Variants in PHAF1 observed in about 807,000 individuals in gnomAD.
The protein encoded by PHAF1 is phagosome assembly factor 1.
A neutral mutation model predicts 63.1 loss-of-function variants in PHAF1; 23 were observed. That is an observed-to-expected ratio of 0.36 (90% CI 0.26 to 0.52). The LOEUF (loss-of-function observed/expected upper bound fraction) is 0.52. Among genes scored for constraint, PHAF1 ranks in the 20% least tolerant of loss-of-function variants. PHAF1 has a pLI of 0.93. For missense variants in PHAF1, 427 were observed against 517.2 expected, an observed-to-expected ratio of 0.83 and a Z score of 1.69; for synonymous variants, 167 against 185.0, an observed-to-expected ratio of 0.90 and a Z score of 0.79.
At chr16:67,128,110 A>G (rs953689352) in intron 3 of PHAF1, among the ~76,000 whole-genome samples, 3 of 152,072 alleles carry the variant, frequency 2.0e-5, no homozygotes, top group Middle Eastern at 3.4e-3. Flanking sequence ...CCTGTGAAGT[A>G]GGTACTGTTT....
intron 9 of PHAF1, 103 bp from the exon 10 acceptor site, chr16:67,140,408 C>T (rs941730365): frequency 2.2e-5 from 24 of 1,075,214 alleles, no homozygotes; most frequent in Middle Eastern, 4.2e-4. Context: ...TTGCTTGTTC[C>T]GCAGCTTAAT....
chr16:67,134,541 T>G, intron 8 of PHAF1, 74 bp downstream of exon 8: 1 of 1,245,790 alleles, frequency 8.0e-7, no homozygotes, highest in Non-Finnish European at 1.2e-6. Context: ...CCCACGTGCT[T>G]AGGGTGTGTC....
At chr16:67,118,896 A>G (rs1047985906) in intron 1 of PHAF1, among the ~76,000 whole-genome samples, 2 of 146,374 alleles carry the variant, frequency 1.4e-5, no homozygotes, top group Non-Finnish European at 3.0e-5. Context: ...CACCTTAGCC[A>G]CCCCAGGACC....
chr16:67,126,282 G>A (rs1191710626), intron 3 of PHAF1, among the ~76,000 whole-genome samples: 1 of 152,134 alleles, frequency 6.6e-6, no homozygotes, highest in African/African-American at 2.4e-5. Flanking sequence ...AGGCTCCAGA[G>A]GGGAAGGTGA....
chr16:67,123,741 C>T (rs1963077819), intron 2 of PHAF1, among the ~76,000 whole-genome samples: 1 of 152,156 alleles, frequency 6.6e-6, no homozygotes, highest in Non-Finnish European at 1.5e-5. Context: ...TCTTCTTCTG[C>T]CTACTTTATT....
chr16:67,144,333 T>G lies in PHAF1; in HGVS notation c.919T>G (p.Phe307Val). The G allele has an allele frequency of 6.2e-7, 1 of 1,612,450 alleles. No homozygotes were observed. Among genetic ancestry groups the G allele is most frequent in the Non-Finnish European group, 8.5e-7 (1 of 1,178,472 alleles). The change falls in exon 11 of 16, where the codon TTT (phenylalanine) becomes GTT (valine). Residue 307 changes from phenylalanine to valine, a missense_variant. Phe to Val is a conservative substitution (Grantham distance 50). Coordinates refer to ENST00000219139, the MANE Select transcript of PHAF1 (RefSeq NM_025187.5). ...FDANTHKVKK[F>V]VLHTNYPGHY... ...TGCGAATACACACAAAGTGAAGAAG[T>G]TTGTTCTACACACCAATTACCCTGG... is the stretch of plus-strand genomic sequence containing the variant.
At position 67,144,308 on chromosome 16, in the gene PHAF1, T is replaced by C. The variant is rs771551753; in HGVS notation, c.894T>C (p.Asp298=). Residue 298 remains aspartate (D), a synonymous_variant, in exon 11 of 16, where the codon GAT becomes GAC. Transcript: ENST00000219139. The part of the protein sequence containing the change: ...YFTLGVDILF[D]ANTHKVKKFV... ...TTCTATCCCAGGACATCCTCTTTGATGCGAATACACACAAAGTGAAGAAGT... is the reference window on the plus strand; with the variant it reads ...TTCTATCCCAGGACATCCTCTTTGACGCGAATACACACAAAGTGAAGAAGT... 3 of 1,611,268 alleles carry C rather than the reference T, an allele frequency of 1.9e-6. No homozygotes were observed. The highest frequency in any genetic ancestry group is 2.5e-6 in the Non-Finnish European group (3 of 1,177,382).
chr16:67,111,606 G>T (rs16957188), intron 1 of PHAF1, among the ~76,000 whole-genome samples: 7,382 of 152,236 alleles, frequency 0.048, 519 homozygotes, highest in African/African-American at 0.15. Flanking sequence ...CCTGTGTGTT[G>T]TAAGAGCTAG....
intron 1 of PHAF1, among the ~76,000 whole-genome samples, chr16:67,112,884 A>T (rs1291473689): frequency 6.6e-6 from 1 of 152,132 alleles, no homozygotes; most frequent in East Asian, 1.9e-4. Context: ...ATCAGACTTT[A>T]AAAATGGAAA....
At chr16:67,129,090 TC>T (rs1963296850) in intron 3 of PHAF1, among the ~76,000 whole-genome samples, 1 of 152,198 alleles carries the variant, frequency 6.6e-6, no homozygotes, top group African/African-American at 2.4e-5. Context: ...TAGACAAGGC[TC>T]TGGCCTCAGT....
chr16:67,124,756 A>T (rs1963116829), intron 2 of PHAF1, among the ~76,000 whole-genome samples: 1 of 152,044 alleles, frequency 6.6e-6, no homozygotes, highest in Non-Finnish European at 1.5e-5. Flanking sequence ...ACAAAAAGTC[A>T]GCCGGGCGTG....
chr16:67,120,029 G>T, intron 1 of PHAF1, 83 bp from the exon 2 acceptor site: 17 of 1,169,136 alleles, frequency 1.5e-5, no homozygotes, highest in Middle Eastern at 2.0e-4. Flanking sequence ...AGGCTTTACT[G>T]CAGGGACCAG....
intron 6 of PHAF1, among the ~76,000 whole-genome samples, chr16:67,133,768 A>G (rs372498714): frequency 1.3e-5 from 2 of 150,188 alleles, no homozygotes; most frequent in Non-Finnish European, 3.0e-5. Context: ...CGACAGAGCG[A>G]GACTCCGTCT....
chr16:67,126,890 G>C (rs1393389838), intron 3 of PHAF1, among the ~76,000 whole-genome samples: 1 of 145,354 alleles, frequency 6.9e-6, no homozygotes, highest in African/African-American at 2.6e-5. Flanking sequence ...GACCAGCCCA[G>C]TCTTTTTTTT....
chr16:67,132,368 C>T, intron 4 of PHAF1, 78 bp from the exon 5 acceptor site: 1 of 1,260,166 alleles, frequency 7.9e-7, no homozygotes, highest in Non-Finnish European at 1.1e-6. Context: ...TTAAAAATAA[C>T]TCTCCCAGCT....
Position 67,134,250 on chromosome 16 carries a change from G to A in PHAF1, c.533G>A (p.Ser178Asn), listed in dbSNP as rs773128784. 6.2e-7 allele frequency: 1 copy of A among 1,613,734 alleles called. No individual in the cohort carries two copies. The highest frequency in any genetic ancestry group is 8.5e-7 in the Non-Finnish European group (1 of 1,179,602). The change falls in exon 7 of 16, where the codon AGC becomes AAC. Residue 178 changes from serine to asparagine, a missense_variant. Physicochemically the swap from Ser to Asn is conservative, Grantham distance 46. Coordinates refer to ENST00000219139, the MANE Select transcript of PHAF1 (RefSeq NM_025187.5). The stretch of plus-strand genomic sequence containing the variant: ...CGAATGTACATCTACAGTGGCAACA[G>A]CCTGCAGGATACCAAGTAAGTATAA... ...VKRMYIYSGN[S>N]LQDTKAPMMP...
At chr16:67,124,589 A>G (rs1242730814) in intron 2 of PHAF1, among the ~76,000 whole-genome samples, 1 of 152,224 alleles carries the variant, frequency 6.6e-6, no homozygotes, top group Non-Finnish European at 1.5e-5. Flanking sequence ...CTCTATAAAG[A>G]AACTAAACCT....
At chr16:67,122,570 CAAA>C (rs912852837) in intron 2 of PHAF1, among the ~76,000 whole-genome samples, 4,173 of 84,280 alleles carry the variant, frequency 0.05, 60 homozygotes, top group Admixed American at 0.066. Flanking sequence ...GACCCTGTCT[CAAA>C]AAAAAAAAAA....
At chr16:67,146,971 C>T in intron 15 of PHAF1, 74 bp from the exon 16 acceptor site, 6 of 1,367,162 alleles carry the variant, frequency 4.4e-6, no homozygotes, top group Middle Eastern at 1.8e-4. Flanking sequence ...ACACAACCTC[C>T]AGCCCTCATG....
Sources: allele counts gnomAD v4.1 joint callset (sites outside exome capture counted in the v4.1 genomes callset), GRCh38; gene constraint gnomAD v4.1.1; transcripts MANE v1.5; gene names NCBI Gene and HGNC (gene_info 2026-07-23, HGNC 2026-07-21).